SYT16: variants seen among roughly 807,000 people sequenced by gnomAD.
The protein encoded by SYT16 is synaptotagmin-16.
In SYT16, 42 loss-of-function variants were observed where a neutral mutation model predicts 61.4. The ratio of observed to expected loss-of-function variants is 0.68; its 90% CI spans 0.53 to 0.89. The LOEUF is 0.89. SYT16 is among the 40% of genes least tolerant of loss of function. SYT16 has a pLI of 0.00. For missense variants in SYT16, 804 were observed against 807.3 expected (o/e 1.00, Z 0.05); for synonymous variants, 314 against 302.3 (o/e 1.04, Z -0.40).
rs1310513703 is a variant in SYT16, at chr14:62,107,579, T to A, written c.*6872T>A. 6.6e-6 allele frequency: 1 copy of A among 152,240 alleles called. No individual in the cohort carries two copies. The highest frequency in any genetic ancestry group is 1.5e-5 in the Non-Finnish European group (1 of 68,036). 9.4% of individuals were successfully genotyped at this position (152,240 alleles called of 1,614,324 possible). A position where few individuals can be genotyped will look rare whatever the true frequency, so the allele number is the denominator to read the frequency against. ...ATTCTTTTTAAAAACTAGAGTCTGA[T>A]AAGAAATCTAGGTAAATAATAAGAT... On this transcript the variant is annotated 3_prime_UTR_variant, in exon 8 of 8. Transcript: ENST00000683842.
At chr14:61,973,230 T>C (rs2051638507) in intron 2 of SYT16, among the ~76,000 whole-genome samples, 1 of 152,174 alleles carries the variant, frequency 6.6e-6, no homozygotes, top group Non-Finnish European at 1.5e-5. Flanking sequence ...AGGCTATATA[T>C]ATTTTAAAGT....
At chr14:62,020,562 A>C (rs143045689) in intron 3 of SYT16, among the ~76,000 whole-genome samples, 2,253 of 152,318 alleles carry the variant, frequency 0.015, 40 homozygotes, top group African/African-American at 0.04. Context: ...ACAAAAGGTA[A>C]CGGAGATTCC....
intron 1 of SYT16, among the ~76,000 whole-genome samples, chr14:61,850,199 A>G (rs1269971128): frequency 6.8e-6 from 1 of 147,616 alleles, no homozygotes; most frequent in Non-Finnish European, 1.5e-5. Flanking sequence ...CAATGGTGTG[A>G]TCTCGGCTCA....
At chr14:62,032,130 A>T (rs552465868) in intron 3 of SYT16, among the ~76,000 whole-genome samples, 1 of 152,268 alleles carries the variant, frequency 6.6e-6, no homozygotes, top group East Asian at 1.9e-4. Context: ...CAGTAAGTTG[A>T]GTGAAAAGAA....
chr14:61,858,174 A>G (rs2046843639), intron 1 of SYT16, among the ~76,000 whole-genome samples: 1 of 151,586 alleles, frequency 6.6e-6, no homozygotes, highest in South Asian at 2.1e-4. Flanking sequence ...AAATTGGGGA[A>G]TCCTAAAGTC....
chr14:61,912,262 G>A (rs2048962558), intron 1 of SYT16, among the ~76,000 whole-genome samples: 1 of 152,146 alleles, frequency 6.6e-6, no homozygotes, highest in Non-Finnish European at 1.5e-5. Flanking sequence ...TGAAAAAGGG[G>A]GAACACGTGG....
rs541519026 is a variant in SYT16, at chr14:62,102,977, C to G, written c.*2270C>G. ...TTTTAAGGGAAGGAATGCCTGAAAACATTTTTTATTTTTATAATTTTACTA... is the reference window on the plus strand; with the variant it reads ...TTTTAAGGGAAGGAATGCCTGAAAAGATTTTTTATTTTTATAATTTTACTA... On this transcript the variant is annotated 3_prime_UTR_variant, in exon 8 of 8. Transcript: ENST00000683842. 1.3e-5 allele frequency: 2 copies of G among 152,276 alleles called. No individual in the cohort carries two copies. Among genetic ancestry groups the G allele is most frequent in the East Asian group, 3.9e-4 (2 of 5,178 alleles). The allele number at this position is 152,276 out of a possible 1,614,324, so 9.4% of individuals were successfully genotyped here.
At chr14:61,974,646 G>T (rs186845675) in intron 2 of SYT16, among the ~76,000 whole-genome samples, 1 of 152,248 alleles carries the variant, frequency 6.6e-6, no homozygotes, top group Non-Finnish European at 1.5e-5. Context: ...CATGAAGGTG[G>T]GAGTGGAAAT....
intron 3 of SYT16, among the ~76,000 whole-genome samples, chr14:62,041,543 G>T (rs1427687635): frequency 6.6e-6 from 1 of 152,106 alleles, no homozygotes; most frequent in Non-Finnish European, 1.5e-5. Flanking sequence ...GTCTTGCTCT[G>T]TCGCCTGGGC....
chr14:61,862,311 C>T lies in SYT16; in HGVS notation c.-325+49501C>T, dbSNP rs143067468. ...CCGGACCCTGGAAACCAGTGATCTG[C>T]TTTCCATCATGATAGTTTTGTCTTC... is the stretch of plus-strand genomic sequence containing the variant. On this transcript the variant is annotated intron_variant, in intron 1 of 7. Coordinates refer to ENST00000683842, the MANE Select transcript of SYT16 (RefSeq NM_001367656.1). 5.2e-3 allele frequency among the ~76,000 whole-genome samples: 786 copies of T among 152,302 alleles called. 10 individuals are homozygous for T. Among genetic ancestry groups the T allele is most frequent in the African/African-American group, 0.018 (738 of 41,566 alleles).
intron 3 of SYT16, among the ~76,000 whole-genome samples, chr14:62,058,232 A>G (rs944969212): frequency 6.6e-5 from 10 of 151,476 alleles, no homozygotes; most frequent in African/African-American, 2.4e-4. Context: ...TGAAGCTTCT[A>G]TGAACATTTG....
At chr14:61,944,674 T>G (rs1594974472) in intron 1 of SYT16, among the ~76,000 whole-genome samples, 1 of 152,208 alleles carries the variant, frequency 6.6e-6, no homozygotes, top group African/African-American at 2.4e-5. Context: ...TTGGGAAAAC[T>G]GGGTAGCCAT....
At chr14:62,075,517 A>G in intron 5 of SYT16, 126 bp downstream of exon 5, 11 of 1,186,458 alleles carry the variant, frequency 9.3e-6, no homozygotes, top group Non-Finnish European at 1.0e-5. Context: ...TATCTGCAAT[A>G]AATTTTTGTC....
chr14:62,081,156 C>T lies in SYT16; in HGVS notation c.1316C>T (p.Ala439Val), dbSNP rs749464196. 3 of 1,613,864 alleles carry T rather than the reference C, an allele frequency of 1.9e-6. No homozygotes were observed. The highest frequency in any genetic ancestry group is 1.3e-5 in the African/African-American group (1 of 74,918). The change falls in exon 6 of 8, where the codon GCT becomes GTT. Residue 439 changes from alanine (A) to valine (V), a missense_variant. Coordinates refer to ENST00000683842, the MANE Select transcript of SYT16 (RefSeq NM_001367656.1). Reference sequence around the variant, plus strand: ...TGTGCTGTCCGCTTCCGCCTGTACGCTGCCCGGAAGATGACCCGAGAGAGA... The same window carrying T: ...TGTGCTGTCCGCTTCCGCCTGTACGTTGCCCGGAAGATGACCCGAGAGAGA... ...AACAVRFRLY[A>V]ARKMTRERMM...
chr14:61,856,390 T>C (rs1317701720), intron 1 of SYT16, among the ~76,000 whole-genome samples: 1 of 152,158 alleles, frequency 6.6e-6, no homozygotes, highest in Non-Finnish European at 1.5e-5. Flanking sequence ...CACACACTTA[T>C]CTCCAATATA....
At chr14:61,869,607 G>A (rs73258409) in intron 1 of SYT16, among the ~76,000 whole-genome samples, 20,576 of 152,150 alleles carry the variant, frequency 0.14, 1,475 homozygotes, top group African/African-American at 0.17. Context: ...CCCAACTGCT[G>A]TGGACTGAAT....
intron 3 of SYT16, among the ~76,000 whole-genome samples, chr14:61,998,547 A>C (rs1009288193): frequency 2.0e-5 from 3 of 152,034 alleles, no homozygotes; most frequent in African/African-American, 7.2e-5. Context: ...TTAATTGCTG[A>C]ATCATATTCC....
At position 62,056,709 on chromosome 14, in the gene SYT16, T is replaced by C. The variant is rs563824956; in HGVS notation, c.524-12894T>C. 2.6e-5 allele frequency among the ~76,000 whole-genome samples: 4 copies of C among 152,206 alleles called. No homozygotes were observed. The East Asian group carries it at 7.7e-4, about 29-fold the overall frequency. On this transcript the variant is annotated intron_variant, in intron 3 of 7. Coordinates refer to ENST00000683842, the MANE Select transcript of SYT16 (RefSeq NM_001367656.1). ...GGAGGTTAGGACTGGGAAAAACACATCAAGTCTTCACCAAATACCCATTCA... is the reference window on the plus strand; with the variant it reads ...GGAGGTTAGGACTGGGAAAAACACACCAAGTCTTCACCAAATACCCATTCA...
intron 3 of SYT16, among the ~76,000 whole-genome samples, chr14:62,039,875 ACACG>A (rs372990163): frequency 0.17 from 17,846 of 105,252 alleles, 1,266 homozygotes; most frequent in South Asian, 0.28. Flanking sequence ...ACACACACAC[ACACG>A]CACATACACA....
Sources: allele counts gnomAD v4.1 joint callset (sites outside exome capture counted in the v4.1 genomes callset), GRCh38; gene constraint gnomAD v4.1.1; transcripts MANE v1.5; gene names NCBI Gene and HGNC (gene_info 2026-07-23, HGNC 2026-07-21).